The following ELOVL4 variants were observed in gnomAD, a reference collection of about 807,000 sequenced individuals.
ELOVL4 encodes the protein ELOVL fatty acid elongase 4.
A neutral mutation model predicts 42.1 loss-of-function variants in ELOVL4; 18 were observed. That is an observed-to-expected ratio of 0.43 (90% CI 0.30 to 0.63). The LOEUF (loss-of-function observed/expected upper bound fraction) is 0.63. Among genes scored for constraint, ELOVL4 ranks in the 30% least tolerant of loss-of-function variants. The probability of loss-of-function intolerance (pLI) is 0.15; values close to 1 mark genes in which losing one functional copy is unlikely to be tolerated. For synonymous variants in ELOVL4, 117 were observed against 127.0 expected, an observed-to-expected ratio of 0.92 and a Z score of 0.53; for missense variants, 299 against 376.2, an observed-to-expected ratio of 0.79 and a Z score of 1.70.
At chr6:79,940,499 A>C (rs984428416) in intron 1 of ELOVL4, among the ~76,000 whole-genome samples, 1 of 152,220 alleles carries the variant, frequency 6.6e-6, no homozygotes, top group African/African-American at 2.4e-5. Context: ...TTCCAAACTT[A>C]AGTAAAAAAT....
chr6:79,928,293 A>T (rs1255578157), intron 1 of ELOVL4, among the ~76,000 whole-genome samples: 1 of 152,198 alleles, frequency 6.6e-6, no homozygotes, highest in East Asian at 1.9e-4. Context: ...GATTAATGCC[A>T]TACTCCATGT....
Position 79,915,941 on chromosome 6 carries a change from A to G in ELOVL4, c.*667T>C, listed in dbSNP as rs16891260. On this transcript the variant is annotated 3_prime_UTR_variant, in exon 6 of 6. Coordinates refer to ENST00000369816, the MANE Select transcript of ELOVL4 (RefSeq NM_022726.4). ...GTTTCCCCACAGTGATTTGTGCCTC[A>G]AGTCATGGTGATCTCTGGGTCACCA... is the stretch of plus-strand genomic sequence containing the variant. 0.16 allele frequency: 24,364 copies of G among 152,646 alleles called. 2,232 individuals are homozygous for G. The highest frequency in any genetic ancestry group is 0.36 in the South Asian group (1,717 of 4,818). The allele number at this position is 152,646 out of a possible 1,614,324, so 9.5% of individuals were successfully genotyped here. A position where few individuals can be genotyped will look rare whatever the true frequency, so the allele number is the denominator to read the frequency against.
chr6:79,922,983 T>G (rs1203666076), intron 3 of ELOVL4, among the ~76,000 whole-genome samples: 3 of 152,186 alleles, frequency 2.0e-5, no homozygotes, highest in Admixed American at 1.3e-4. Flanking sequence ...TAGTTAATAT[T>G]CACTATTATA....
intron 1 of ELOVL4, among the ~76,000 whole-genome samples, chr6:79,935,641 A>G (rs1774529046): frequency 6.6e-6 from 1 of 152,220 alleles, no homozygotes; most frequent in African/African-American, 2.4e-5. Context: ...TAACCAAATC[A>G]TTGGCCCTTT....
At chr6:79,922,297 A>C (rs557569993) in intron 3 of ELOVL4, among the ~76,000 whole-genome samples, 2 of 150,392 alleles carry the variant, frequency 1.3e-5, no homozygotes, top group Non-Finnish European at 3.0e-5. Flanking sequence ...CTCCGACTGC[A>C]CCAATATGTG....
intron 2 of ELOVL4, 65 bp from the exon 3 acceptor site, chr6:79,925,097 T>C (rs1774321934): frequency 3.8e-6 from 4 of 1,041,004 alleles, no homozygotes; most frequent in South Asian, 1.3e-5. Flanking sequence ...AACACAATTA[T>C]ATACAAAATG....
chr6:79,937,039 A>C (rs1057282858), intron 1 of ELOVL4, among the ~76,000 whole-genome samples: 1 of 152,196 alleles, frequency 6.6e-6, no homozygotes, highest in African/African-American at 2.4e-5. Flanking sequence ...GGGGTAGATA[A>C]GGCAGAGGCT....
intron 1 of ELOVL4, among the ~76,000 whole-genome samples, chr6:79,937,869 T>C (rs993231955): frequency 2.0e-5 from 3 of 152,212 alleles, no homozygotes; most frequent in Middle Eastern, 3.2e-3. Flanking sequence ...AATACAGTAC[T>C]ACAGCATCTT....
chr6:79,929,080 T>C (rs1041730961), intron 1 of ELOVL4, among the ~76,000 whole-genome samples: 2 of 149,628 alleles, frequency 1.3e-5, no homozygotes, highest in Non-Finnish European at 3.0e-5. Context: ...CTATCTTCAT[T>C]TCCTCCATCT....
intron 1 of ELOVL4, among the ~76,000 whole-genome samples, chr6:79,926,934 A>G (rs1446524859): frequency 6.6e-6 from 1 of 152,198 alleles, no homozygotes; most frequent in Non-Finnish European, 1.5e-5. Flanking sequence ...CAATTCTATA[A>G]TGTAAACAGT....
rs546771000 is a variant in ELOVL4, at chr6:79,926,113, T to C, written c.288+81A>G. 53 of 1,276,536 alleles carry C rather than the reference T, an allele frequency of 4.2e-5. No individual in the cohort carries two copies. In the South Asian group the frequency reaches 5.3e-4, roughly 13 times the overall value. 79.1% of individuals were successfully genotyped at this position (1,276,536 alleles called of 1,614,324 possible). On this transcript the variant is annotated intron_variant, in intron 2 of 5. Coordinates refer to ENST00000369816, the MANE Select transcript of ELOVL4 (RefSeq NM_022726.4). Reference sequence around the variant, plus strand: ...CTAACAGTTATGTCTGGGTAAAATATTACAATGATGGTTTTACACATTCTC... The same window carrying C: ...CTAACAGTTATGTCTGGGTAAAATACTACAATGATGGTTTTACACATTCTC...
Position 79,938,900 on chromosome 6 carries a change from A to G in ELOVL4, c.100+8280T>C, listed in dbSNP as rs955234657. On this transcript the variant is annotated intron_variant, in intron 1 of 5. Transcript: ENST00000369816. The stretch of plus-strand genomic sequence containing the variant: ...TTGGCTAGTGTGACGGGAAGACAAG[A>G]GCACTGGGCTAGGGACAAAACAACC... Among the ~76,000 whole-genome samples the G allele has an allele frequency of 2.0e-5, 3 of 152,238 alleles. No individual in the cohort carries two copies. The East Asian group carries it at 5.8e-4, about 29-fold the overall frequency.
chr6:79,935,125 A>G (rs1178688408), intron 1 of ELOVL4, among the ~76,000 whole-genome samples: 1 of 152,140 alleles, frequency 6.6e-6, no homozygotes, highest in East Asian at 1.9e-4. Context: ...AATGCCTGTA[A>G]TCTAATAGTT....
In ELOVL4 at chr6:79,947,414, C is replaced by T; in HGVS notation, c.-135G>A. On this transcript the variant is annotated 5_prime_UTR_variant, in exon 1 of 6. Coordinates refer to ENST00000369816, the MANE Select transcript of ELOVL4 (RefSeq NM_022726.4). The stretch of plus-strand genomic sequence containing the variant: ...AACGGCGGCGGCCCGGCTGCGTCTT[C>T]TCCTGCTCCTCAAGGCGCCGCGGCG... The T allele has an allele frequency of 1.4e-6, 1 of 708,606 alleles. No homozygotes were observed. Among genetic ancestry groups the T allele is most frequent in the Non-Finnish European group, 2.5e-6 (1 of 401,194 alleles). 43.9% of individuals were successfully genotyped at this position (708,606 alleles called of 1,614,324 possible).
Position 79,925,039 on chromosome 6 carries a change from A to G in ELOVL4, c.289-7T>C. The G allele has an allele frequency of 6.4e-7, 1 of 1,562,786 alleles. No homozygotes were observed. The highest frequency in any genetic ancestry group is 8.8e-7 in the Non-Finnish European group (1 of 1,133,668). On this transcript the variant is annotated splice_region_variant and splice_polypyrimidine_tract_variant and intron_variant, in intron 2 of 5. Coordinates refer to ENST00000369816, the MANE Select transcript of ELOVL4 (RefSeq NM_022726.4). ...TATATGATCCCATGAATAACTGGAA[A>G]AAGAGTAATAATATTTGTAGTAAAG...
intron 2 of ELOVL4, among the ~76,000 whole-genome samples, chr6:79,925,572 T>A (rs1404018868): frequency 1.3e-5 from 2 of 152,186 alleles, no homozygotes; most frequent in African/African-American, 4.8e-5. Context: ...TCTTTATACA[T>A]ATGCAATTTA....
At chr6:79,930,971 G>A (rs958897595) in intron 1 of ELOVL4, among the ~76,000 whole-genome samples, 23 of 151,978 alleles carry the variant, frequency 1.5e-4, no homozygotes, top group African/African-American at 5.6e-4. Flanking sequence ...GAAAAACTTC[G>A]ACTAAAATCC....
rs1391957511 is a variant in ELOVL4 at position 79,919,447 on chromosome 6, C to T, written c.642G>A (p.Trp214Ter). 6.2e-7 allele frequency: 1 copy of T among 1,613,662 alleles called. No homozygotes were observed. Among genetic ancestry groups the T allele is most frequent in the African/African-American group, 1.3e-5 (1 of 74,888 alleles). ...GTTGCAACATAGTCAGGTATCGTTT[C>T]CACCAAAGATATTTCTGAATCCATG... ...FGPWIQKYLW[W>*]KRYLTMLQLI... Residue 214 changes from tryptophan (W) to a stop codon, truncating the protein, a stop_gained, in exon 5 of 6, where the codon TGG (tryptophan) becomes TGA (stop). Coordinates refer to ENST00000369816, the MANE Select transcript of ELOVL4 (RefSeq NM_022726.4). LOFTEE classifies it high-confidence loss of function.
At chr6:79,944,280 T>C (rs1365321828) in intron 1 of ELOVL4, among the ~76,000 whole-genome samples, 2 of 152,196 alleles carry the variant, frequency 1.3e-5, no homozygotes, top group Non-Finnish European at 2.9e-5. Context: ...CCAATCCTAA[T>C]AATTTAAATG....
Sources: allele counts gnomAD v4.1 joint callset (sites outside exome capture counted in the v4.1 genomes callset), GRCh38; gene constraint gnomAD v4.1.1; transcripts MANE v1.5; gene names NCBI Gene and HGNC (gene_info 2026-07-23, HGNC 2026-07-21).